ZNF479: variants seen among roughly 807,000 people sequenced by gnomAD.
ZNF479 encodes KRAB zinc finger protein KR19.
In ZNF479, 15 loss-of-function variants were observed where a neutral mutation model predicts 14.7. That is an observed-to-expected ratio of 1.02 (90% confidence interval 0.68 to 1.57). ZNF479 has a LOEUF of 1.57. Ranked by LOEUF, ZNF479 falls within the 40% of genes most tolerant of loss-of-function variation. The pLI is 0.00. For missense variants in ZNF479, 506 were observed against 615.1 expected, an observed-to-expected ratio of 0.82 and a Z score of 1.88; for synonymous variants, 145 against 211.5, an observed-to-expected ratio of 0.69 and a Z score of 2.73.
At chr7:57,130,906 G>A (rs544801737) in intron 1 of ZNF479, among the ~76,000 whole-genome samples, 8 of 152,286 alleles carry the variant, frequency 5.3e-5, no homozygotes, top group Middle Eastern at 3.4e-3. Context: ...TAAACACCAC[G>A]AAATATGATG....
At position 57,120,322 on chromosome 7, in the gene ZNF479, A is replaced by C. The variant is rs377114931; in HGVS notation, c.1093T>G (p.Ser365Ala). 1.7e-5 allele frequency: 28 copies of C among 1,609,806 alleles called. No individual in the cohort carries two copies. Among genetic ancestry groups the C allele is most frequent in the Middle Eastern group, 1.6e-4 (1 of 6,070 alleles). ...CTCCTATGTCTCATAAGGTTCGAGG[A>C]TAAGCTAAAGGCTTGGCCACATTCT... ...CEECGQAFSL[S>A]SNLMRHRRIH... Residue 365 changes from serine to alanine, a missense_variant, in exon 4 of 4, where the codon TCC becomes GCC. By Grantham distance (99) the Ser-to-Ala change is moderately conservative (BLOSUM62 1). Around this residue, in one of 3 missense-constraint regions of ZNF479, gnomAD observed 420 missense variants for 474.2 expected, o/e 0.89. Transcript: ENST00000319636.
chr7:57,134,665 C>CTTTTTTTTTTTT (rs71053216), upstream of ZNF479, among the ~76,000 whole-genome samples: 15 of 106,482 alleles, frequency 1.4e-4, no homozygotes, highest in South Asian at 3.8e-4. Flanking sequence ...TTTCTTCTAT[C>CTTTTTTTTTTTT]TTTTTTTTTT....
intron 1 of ZNF479, 118 bp downstream of exon 1, chr7:57,132,168 A>G: frequency 6.3e-7 from 1 of 1,580,956 alleles, no homozygotes; most frequent in Non-Finnish European, 8.7e-7. Context: ...GCCAAAGAGG[A>G]TTTGGGTCGG....
upstream of ZNF479, among the ~76,000 whole-genome samples, chr7:57,134,174 G>A (rs1786544898): frequency 6.6e-6 from 1 of 152,110 alleles, no homozygotes; most frequent in Non-Finnish European, 1.5e-5. Flanking sequence ...TTTCCATGAG[G>A]CCTGGCTTTC....
intron 1 of ZNF479, among the ~76,000 whole-genome samples, chr7:57,127,916 A>G (rs1786243020): frequency 6.9e-6 from 1 of 144,310 alleles, no homozygotes; most frequent in African/African-American, 2.6e-5. Context: ...ATCTACATTT[A>G]ATTTTATTAT....
intron 3 of ZNF479, among the ~76,000 whole-genome samples, 200 bp downstream of exon 3, chr7:57,125,818 C>T (rs567773355): frequency 7.2e-5 from 11 of 152,292 alleles, no homozygotes; most frequent in African/African-American, 2.6e-4. Flanking sequence ...ATTATTGAAG[C>T]AGAAGTGGAA....
Position 57,120,510 on chromosome 7 carries a change from C to T in ZNF479, c.905G>A (p.Cys302Tyr), listed in dbSNP as rs1554400152. The T allele has an allele frequency of 1.2e-6, 2 of 1,612,550 alleles. No homozygotes were observed. The highest frequency in any genetic ancestry group is 3.3e-5 in the Admixed American group (2 of 59,846). ...TGAGGATACGCTAAAGGCTTTGCCACATTCTTCACATTTGTAGGGTCTCTC... is the reference window on the plus strand; with the variant it reads ...TGAGGATACGCTAAAGGCTTTGCCATATTCTTCACATTTGTAGGGTCTCTC... ...TGERPYKCEECGKAFSVSSTL... is the reference protein window; with the variant it reads ...TGERPYKCEEYGKAFSVSSTL... Residue 302 changes from cysteine to tyrosine, a missense_variant, in exon 4 of 4, where the codon TGT becomes TAT. Transcript: ENST00000319636.
intron 1 of ZNF479, among the ~76,000 whole-genome samples, chr7:57,131,155 G>C (rs533347385): frequency 6.6e-6 from 1 of 152,024 alleles, no homozygotes; most frequent in African/African-American, 2.4e-5. Flanking sequence ...AAATCTGTTG[G>C]GTACTATACT....
chr7:57,128,603 T>C (rs1266093074), intron 1 of ZNF479, among the ~76,000 whole-genome samples: 1 of 152,216 alleles, frequency 6.6e-6, no homozygotes, highest in African/African-American at 2.4e-5. Flanking sequence ...AGGTCATAAA[T>C]TTGTTCTAAG....
upstream of ZNF479, among the ~76,000 whole-genome samples, chr7:57,132,723 T>G (rs1318159011): frequency 6.6e-6 from 1 of 152,204 alleles, no homozygotes; most frequent in African/African-American, 2.4e-5. Flanking sequence ...TATATAATAT[T>G]TATTCATAAA....
chr7:57,127,015 C>CTT (rs1175973407), intron 1 of ZNF479, among the ~76,000 whole-genome samples: 5 of 130,340 alleles, frequency 3.8e-5, no homozygotes, highest in East Asian at 2.7e-4. Context: ...TTCTGTTTTT[C>CTT]TTTTTTTTTT....
intron 1 of ZNF479, among the ~76,000 whole-genome samples, chr7:57,130,121 A>G (rs932274846): frequency 6.6e-6 from 1 of 152,242 alleles, no homozygotes; most frequent in African/African-American, 2.4e-5. Flanking sequence ...CACAAAAGTC[A>G]AGAAATAACC....
chr7:57,133,091 G>A (rs573136906), upstream of ZNF479, among the ~76,000 whole-genome samples: 7 of 152,202 alleles, frequency 4.6e-5, no homozygotes, highest in East Asian at 1.9e-4. Flanking sequence ...CCGAGATGGC[G>A]CCATTGCACT....
At chr7:57,132,072 T>C (rs1224042526) in intron 1 of ZNF479, among the ~76,000 whole-genome samples, 1 of 152,110 alleles carries the variant, frequency 6.6e-6, no homozygotes, top group Non-Finnish European at 1.5e-5. Flanking sequence ...GTAAAGCCAC[T>C]GCAGAGGAAA....
intron 3 of ZNF479, among the ~76,000 whole-genome samples, chr7:57,124,466 T>G (rs1786073843): frequency 6.6e-6 from 1 of 152,164 alleles, no homozygotes; most frequent in Admixed American, 6.6e-5. Flanking sequence ...AAAAATATTT[T>G]AAACAAAGTA....
At chr7:57,138,107 C>A (rs1427138115) in intron 1 of ZNF479, among the ~76,000 whole-genome samples, 1 of 152,160 alleles carries the variant, frequency 6.6e-6, no homozygotes, top group Non-Finnish European at 1.5e-5. Context: ...GCTGGCCCAG[C>A]ACCTAGTTGA....
In ZNF479 at chr7:57,118,741, ATT is replaced by A. The variant is rs1785779638; in HGVS notation, c.*1097_*1098del. ...TGACCTGATATTAATGGTTTTTCAC[ATT>A]CTTTGTACAATTTTTCTCTAGTATA... is the stretch of plus-strand genomic sequence containing the variant. On this transcript the variant is annotated 3_prime_UTR_variant, in exon 4 of 4. Coordinates refer to ENST00000319636, the MANE Select transcript of ZNF479 (RefSeq NM_001370129.2). 6.6e-6 allele frequency among the ~76,000 whole-genome samples: 1 copy of A among 152,096 alleles called. No individual in the cohort carries two copies. Among genetic ancestry groups the A allele is most frequent in the African/African-American group, 2.4e-5 (1 of 41,410 alleles).
At chr7:57,128,705 G>C (rs1389470116) in intron 1 of ZNF479, among the ~76,000 whole-genome samples, 3 of 152,106 alleles carry the variant, frequency 2.0e-5, no homozygotes, top group Admixed American at 6.5e-5. Flanking sequence ...AGAACCCCTT[G>C]ACTATCATAA....
intron 3 of ZNF479, 45 bp from the exon 4 acceptor site, chr7:57,121,197 T>C (rs782500882): frequency 1.9e-6 from 3 of 1,612,864 alleles, no homozygotes; most frequent in Non-Finnish European, 2.5e-6. Context: ...TCTGGACTCA[T>C]ATAAATATAT....
Sources: gnomAD v4.1 joint callset for allele counts (sites outside exome capture counted in the v4.1 genomes callset) on GRCh38, gnomAD v4.1.1 for gene constraint, gnomAD v4.1.1 regional missense constraint, MANE v1.5 for transcripts, NCBI Gene and HGNC (gene_info 2026-07-23, HGNC 2026-07-21) for gene names.